The following ARPIN variants were observed in gnomAD, a reference collection of about 807,000 sequenced individuals.
The protein encoded by ARPIN is actin related protein 2/3 complex inhibitor.
ARPIN carries 23 observed loss-of-function variants against 25.9 expected under a neutral mutation model. That is an observed-to-expected ratio of 0.89 (90% CI 0.64 to 1.26). The LOEUF (loss-of-function observed/expected upper bound fraction) is 1.26, where lower values mean the gene tolerates loss of function less well. ARPIN is among the 50% of genes most tolerant of loss of function. ARPIN has a pLI of 0.00. For synonymous variants in ARPIN, 126 were observed against 131.4 expected (o/e 0.96, Z 0.28); for missense variants, 333 against 312.2 (o/e 1.07, Z -0.50).
chr15:89,906,196 C>T (rs1202204460), intron 3 of ARPIN, among the ~76,000 whole-genome samples: 1 of 152,184 alleles, frequency 6.6e-6, no homozygotes, highest in African/African-American at 2.4e-5. Context: ...CATCGCTGGG[C>T]TCCAGGCTAT....
rs562000012 is a variant in ARPIN at position 89,896,593 on chromosome 15, A to T, written c.*5202T>A. 6.6e-6 allele frequency: 1 copy of T among 152,342 alleles called. No individual in the cohort carries two copies. Among genetic ancestry groups the T allele is most frequent in the East Asian group, 1.9e-4 (1 of 5,196 alleles). The allele number at this position is 152,342 out of a possible 1,614,324, so 9.4% of individuals were successfully genotyped here. ...AAAATCACAAAACATCAACAGATAT[A>T]TAAAGTTTTTTTATAAAAAGAATTA... On this transcript the variant is annotated 3_prime_UTR_variant, in exon 6 of 6. Transcript: ENST00000357484.
At chr15:89,904,158 C>A (rs1897078580) in intron 3 of ARPIN, among the ~76,000 whole-genome samples, 175 bp from the exon 4 acceptor site, 1 of 152,154 alleles carries the variant, frequency 6.6e-6, no homozygotes, top group South Asian at 2.1e-4. Context: ...GGCGGACAGG[C>A]ATGAGCTGGG....
intron 2 of ARPIN, among the ~76,000 whole-genome samples, chr15:89,908,677 A>G (rs1390209652): frequency 6.6e-6 from 1 of 152,100 alleles, no homozygotes; most frequent in African/African-American, 2.4e-5. Flanking sequence ...AAAGACAAAA[A>G]GTATATATAG....
chr15:89,912,184 G>A, intron 1 of ARPIN: 1 of 983,662 alleles, frequency 1.0e-6, no homozygotes, highest in Non-Finnish European at 1.2e-6. Context: ...CACAGTATTT[G>A]TCTTTCTGTA....
At chr15:89,907,599 C>T (rs1453612873) in intron 3 of ARPIN, among the ~76,000 whole-genome samples, 1 of 152,118 alleles carries the variant, frequency 6.6e-6, no homozygotes, top group Non-Finnish European at 1.5e-5. Context: ...AATCTGCTGG[C>T]ACCCTGACCT....
At chr15:89,903,525 G>T in intron 4 of ARPIN, 146 bp from the exon 5 acceptor site, 1 of 1,420,178 alleles carries the variant, frequency 7.0e-7, no homozygotes, top group Non-Finnish European at 9.5e-7. Flanking sequence ...CCCTGGGTGG[G>T]ACCCCCAAGG....
At chr15:89,901,830 T>C (rs377410881) in intron 5 of ARPIN, 27 bp from the exon 6 acceptor site, 61 of 1,613,334 alleles carry the variant, frequency 3.8e-5, no homozygotes, top group Non-Finnish European at 5.1e-5. Context: ...GGTAAAGAGA[T>C]GTGGAGACAG....
intron 1 of ARPIN, among the ~76,000 whole-genome samples, chr15:89,911,833 GTTTCT>G (rs1245478139): frequency 1.3e-5 from 2 of 150,048 alleles, no homozygotes; most frequent in African/African-American, 2.5e-5. Flanking sequence ...CTGTTCTACT[GTTTCT>G]TTTCTTTTGA....
At chr15:89,908,453 C>A in intron 2 of ARPIN, 41 bp from the exon 3 acceptor site, 1 of 1,610,192 alleles carries the variant, frequency 6.2e-7, no homozygotes, top group Non-Finnish European at 8.5e-7. Flanking sequence ...CGGCTTCATC[C>A]CACAACACAC....
At position 89,912,814 on chromosome 15, in the gene ARPIN, C is replaced by G; in HGVS notation, c.22G>C (p.Gly8Arg). 1 of 1,525,028 alleles carries G rather than the reference C, an allele frequency of 6.6e-7. No individual in the cohort carries two copies. The highest frequency in any genetic ancestry group is 8.8e-7 in the Non-Finnish European group (1 of 1,140,186). The allele number at this position is 1,525,028 out of a possible 1,614,324, so 94.5% of individuals were successfully genotyped here. Residue 8 changes from glycine (G) to arginine (R), a missense_variant, in exon 1 of 6, where the codon GGC becomes CGC. Gly to Arg is a moderately radical substitution (Grantham distance 125, BLOSUM62 -2). Transcript: ENST00000357484. Reference protein sequence around the residue: MSRIYHDGALRNKAVQSV... With the variant: MSRIYHDRALRNKAVQSV... Reference sequence around the variant, plus strand: ...TGCACCGCCTTGTTCCGGAGCGCGCCGTCGTGGTAGATGCGGCTCATTCTC... The same window carrying G: ...TGCACCGCCTTGTTCCGGAGCGCGCGGTCGTGGTAGATGCGGCTCATTCTC...
At chr15:89,905,111 T>C (rs1044437405) in intron 3 of ARPIN, among the ~76,000 whole-genome samples, 1 of 151,250 alleles carries the variant, frequency 6.6e-6, no homozygotes, top group East Asian at 1.9e-4. Context: ...AACCTCTACC[T>C]CCTGAGTTTG....
chr15:89,908,556 C>T lies in ARPIN; in HGVS notation c.169-144G>A, dbSNP rs1897168174. The T allele has an allele frequency of 2.1e-5, 28 of 1,364,702 alleles. 1 individual carries two copies. In the South Asian group the frequency reaches 3.9e-4, roughly 19 times the overall value. The allele number at this position is 1,364,702 out of a possible 1,614,324, so 84.5% of individuals were successfully genotyped here. A position where few individuals can be genotyped will look rare whatever the true frequency, so the allele number is the denominator to read the frequency against. Reference sequence around the variant, plus strand: ...AAGATGTTCAAGCTAGGCAGATGCTCCCTCTGCCCCCAAATACTTATGCAT... The same window carrying T: ...AAGATGTTCAAGCTAGGCAGATGCTTCCTCTGCCCCCAAATACTTATGCAT... On this transcript the variant is annotated intron_variant, in intron 2 of 5. Coordinates refer to ENST00000357484, the MANE Select transcript of ARPIN (RefSeq NM_182616.4).
intron 5 of ARPIN, among the ~76,000 whole-genome samples, chr15:89,902,372 C>T (rs1897037006): frequency 6.6e-6 from 1 of 152,072 alleles, no homozygotes; most frequent in African/African-American, 2.4e-5. Flanking sequence ...GGCGCCATTG[C>T]ACTCCAGCCT....
intron 4 of ARPIN, 67 bp from the exon 5 acceptor site, chr15:89,903,446 A>G (rs1460475775): frequency 6.3e-6 from 10 of 1,599,884 alleles, no homozygotes; most frequent in Non-Finnish European, 8.5e-6. Context: ...GGCTGGGCCC[A>G]TTATGGTGGG....
At chr15:89,902,986 T>C (rs1897047637) in intron 5 of ARPIN, 4 of 1,430,244 alleles carry the variant, frequency 2.8e-6, no homozygotes, top group Non-Finnish European at 3.7e-6. Flanking sequence ...TTGGGAATCT[T>C]TGGGGAATAG....
chr15:89,903,850 T>C lies in ARPIN; in HGVS notation c.435A>G (p.Ser145=). 1.9e-6 allele frequency: 3 copies of C among 1,614,182 alleles called. No individual in the cohort carries two copies. Among genetic ancestry groups the C allele is most frequent in the Non-Finnish European group, 1.7e-6 (2 of 1,180,028 alleles). The change falls in exon 4 of 6, where the codon TCA becomes TCG. Residue 145 remains serine, a synonymous_variant. Coordinates refer to ENST00000357484, the MANE Select transcript of ARPIN (RefSeq NM_182616.4). ...DHTVAFWMPE[S]EMEVMELELG... is the part of the protein sequence containing the mutation. ...GCTCGAGTTCCATCACCTCCATCTCTGACTCGGGCATCCAGAACGCCACTG... is the reference window on the plus strand; with the variant it reads ...GCTCGAGTTCCATCACCTCCATCTCCGACTCGGGCATCCAGAACGCCACTG...
intron 3 of ARPIN, among the ~76,000 whole-genome samples, chr15:89,907,632 T>C (rs1055307915): frequency 6.6e-6 from 1 of 152,090 alleles, no homozygotes; most frequent in African/African-American, 2.4e-5. Flanking sequence ...CCTCCAGAAC[T>C]GTAAGCCAGA....
intron 3 of ARPIN, among the ~76,000 whole-genome samples, chr15:89,907,773 C>G (rs369944589): frequency 3.3e-5 from 5 of 152,032 alleles, no homozygotes; most frequent in South Asian, 4.1e-4. Context: ...TACACTCCAG[C>G]CTGGGCTACA....
In ARPIN at chr15:89,912,838, TC is replaced by T; in HGVS notation, c.-4del. Reference sequence around the variant, plus strand: ...CCGTCGTGGTAGATGCGGCTCATTCTCCCGACCGCCCGGGCACCCCGGCACA... The same window carrying T: ...CCGTCGTGGTAGATGCGGCTCATTCTCCGACCGCCCGGGCACCCCGGCACA... On this transcript the variant is annotated 5_prime_UTR_variant, in exon 1 of 6. Transcript: ENST00000357484. 3.9e-6 allele frequency: 6 copies of T among 1,519,420 alleles called. No homozygotes were observed. Among genetic ancestry groups the T allele is most frequent in the Non-Finnish European group, 5.3e-6 (6 of 1,137,352 alleles). 94.1% of individuals were successfully genotyped at this position (1,519,420 alleles called of 1,614,324 possible).
Sources: allele counts gnomAD v4.1 joint callset (sites outside exome capture counted in the v4.1 genomes callset), GRCh38; gene constraint gnomAD v4.1.1; transcripts MANE v1.5; gene names NCBI Gene and HGNC (gene_info 2026-07-23, HGNC 2026-07-21).